Variants in EPS15 observed in about 807,000 individuals in gnomAD.
EPS15 encodes epidermal growth factor receptor pathway substrate 15, also known as epidermal growth factor receptor substrate 15.
Under a neutral mutation model 113.8 loss-of-function variants are expected in EPS15, and 72 were observed. The observed-to-expected ratio is 0.63, with a 90% confidence interval of 0.52 to 0.77. EPS15 has a LOEUF of 0.77. EPS15 is among the 30% of genes least tolerant of loss of function. The probability of loss-of-function intolerance (pLI) is 0.00; values close to 1 mark genes in which losing one functional copy is unlikely to be tolerated. For synonymous variants in EPS15, 344 were observed against 363.4 expected (o/e 0.95, Z 0.61); for missense variants, 1,048 against 1,045.8 (o/e 1.00, Z -0.03).
intron 21 of EPS15, chr1:51,372,465 T>C: frequency 1.9e-6 from 1 of 533,972 alleles, no homozygotes; most frequent in South Asian, 1.4e-5. Flanking sequence ...TCATTCTGTC[T>C]GGTTTTTAGA....
At chr1:51,411,676 A>G (rs890563915) in intron 13 of EPS15, among the ~76,000 whole-genome samples, 1 of 152,194 alleles carries the variant, frequency 6.6e-6, no homozygotes. Flanking sequence ...CTTAAGAATC[A>G]GATGTTCTCT....
At chr1:51,469,928 G>T (rs1361431076) in intron 4 of EPS15, among the ~76,000 whole-genome samples, 5 of 150,966 alleles carry the variant, frequency 3.3e-5, no homozygotes, top group Admixed American at 6.6e-5. Flanking sequence ...GTATCTTCCT[G>T]GAAGCTCTCC....
Position 51,405,505 on chromosome 1 carries a change from T to G in EPS15, c.1677+400A>C, listed in dbSNP as rs189794273. 4.9e-3 allele frequency among the ~76,000 whole-genome samples: 743 copies of G among 152,242 alleles called. 3 individuals are homozygous for G. The highest frequency in any genetic ancestry group is 0.017 in the African/African-American group (699 of 41,546). On this transcript the variant is annotated intron_variant, in intron 16 of 24. Coordinates refer to ENST00000371733, the MANE Select transcript of EPS15 (RefSeq NM_001981.3). ...TGAGGTCAGGAGTTCGAAACCAGCC[T>G]GGCCAACATGATGAAACCCCATCTC... is the stretch of plus-strand genomic sequence containing the variant.
At chr1:51,361,503 C>T in intron 23 of EPS15, 148 bp from the exon 24 acceptor site, 1 of 583,412 alleles carries the variant, frequency 1.7e-6, no homozygotes, top group Non-Finnish European at 3.0e-6. Flanking sequence ...TAAATAGCTA[C>T]ACCAACAATT....
In EPS15 at chr1:51,355,310, T is replaced by C. The variant is rs1646195830; in HGVS notation, c.*1390A>G. 4 of 217,154 alleles carry C rather than the reference T, an allele frequency of 1.8e-5. No individual in the cohort carries two copies. Among genetic ancestry groups the C allele is most frequent in the African/African-American group, 9.0e-5 (4 of 44,434 alleles). The allele number at this position is 217,154 out of a possible 1,614,324, so 13.5% of individuals were successfully genotyped here. On this transcript the variant is annotated 3_prime_UTR_variant, in exon 25 of 25. Transcript: ENST00000371733. The stretch of plus-strand genomic sequence containing the variant: ...CAGATTAACACAGATCAATACCACC[T>C]TGACTTGTTGACCCAGAGAATTCTA...
At chr1:51,378,954 G>C (rs923404348) in intron 21 of EPS15, among the ~76,000 whole-genome samples, 1 of 152,134 alleles carries the variant, frequency 6.6e-6, no homozygotes, top group Non-Finnish European at 1.5e-5. Flanking sequence ...CCAACTTTGA[G>C]GGAAGACATG....
chr1:51,464,634 C>T (rs1654718440), intron 6 of EPS15, among the ~76,000 whole-genome samples: 1 of 152,156 alleles, frequency 6.6e-6, no homozygotes, highest in South Asian at 2.1e-4. Flanking sequence ...AAGATATCTC[C>T]TAAATTTTTA....
intron 1 of EPS15, among the ~76,000 whole-genome samples, chr1:51,490,836 A>C (rs1644219954): frequency 6.6e-6 from 1 of 152,210 alleles, no homozygotes; most frequent in Admixed American, 6.5e-5. Flanking sequence ...ATATGCAAAC[A>C]CACTAATGAG....
intron 11 of EPS15, among the ~76,000 whole-genome samples, chr1:51,442,366 CT>C (rs1220784127): frequency 6.6e-6 from 1 of 152,116 alleles, no homozygotes; most frequent in African/African-American, 2.4e-5. Context: ...CACATCTCCT[CT>C]GTCACTCTAA....
intron 21 of EPS15, among the ~76,000 whole-genome samples, chr1:51,389,776 TCAAGGAGAACTA>T: frequency 6.6e-6 from 1 of 152,318 alleles, no homozygotes; most frequent in South Asian, 2.1e-4. Context: ...AGGGACCTCT[TCAAGGAGAACTA>T]CAAACCACTG....
intron 7 of EPS15, among the ~76,000 whole-genome samples, chr1:51,461,521 TAAA>T (rs34184025): frequency 3.5e-5 from 3 of 85,074 alleles, no homozygotes; most frequent in Non-Finnish European, 5.0e-5. Context: ...CACTGTTTCT[TAAA>T]AAAAAAAAAA....
chr1:51,376,685 A>C (rs1290368408), intron 21 of EPS15, among the ~76,000 whole-genome samples: 2 of 152,024 alleles, frequency 1.3e-5, no homozygotes, highest in South Asian at 2.1e-4. Flanking sequence ...AAACAAAAAA[A>C]CCCAAAAATC....
chr1:51,426,957 C>T (rs554465882), intron 12 of EPS15, among the ~76,000 whole-genome samples: 4 of 151,904 alleles, frequency 2.6e-5, no homozygotes, highest in Admixed American at 1.3e-4. Context: ...CCCTCCTTCC[C>T]GCCCACTTAT....
At chr1:51,451,897 T>C (rs1156696788) in intron 8 of EPS15, among the ~76,000 whole-genome samples, 1 of 152,038 alleles carries the variant, frequency 6.6e-6, no homozygotes, top group Non-Finnish European at 1.5e-5. Flanking sequence ...CTTAAATTTT[T>C]ATTTCTTTTT....
At chr1:51,407,115 A>T (rs985552755) in intron 15 of EPS15, among the ~76,000 whole-genome samples, 2 of 152,204 alleles carry the variant, frequency 1.3e-5, no homozygotes, top group African/African-American at 4.8e-5. Flanking sequence ...TGAGAAAGTT[A>T]CTTGAACTTC....
Position 51,438,002 on chromosome 1 carries a change from AG to A in EPS15, c.1040+2344del, listed in dbSNP as rs1344707767. ...CGGTTATTCACAAGAATAAAAACCAAGGTTTTTATAATGTAATACCTTGAAG... is the reference window on the plus strand; with the variant it reads ...CGGTTATTCACAAGAATAAAAACCAAGTTTTTATAATGTAATACCTTGAAG... On this transcript the variant is annotated intron_variant, in intron 12 of 24. Coordinates refer to ENST00000371733, the MANE Select transcript of EPS15 (RefSeq NM_001981.3). 2.0e-5 allele frequency among the ~76,000 whole-genome samples: 3 copies of A among 152,332 alleles called. No individual in the cohort carries two copies. The East Asian group carries it at 5.8e-4, about 29-fold the overall frequency.
At chr1:51,488,683 T>C (rs1644172119) in intron 1 of EPS15, among the ~76,000 whole-genome samples, 1 of 152,092 alleles carries the variant, frequency 6.6e-6, no homozygotes, top group African/African-American at 2.4e-5. Context: ...CCTCTGAGCT[T>C]AAACAATCTT....
At chr1:51,422,843 G>A (rs773016695) in intron 12 of EPS15, among the ~76,000 whole-genome samples, 3 of 152,224 alleles carry the variant, frequency 2.0e-5, no homozygotes, top group Admixed American at 6.5e-5. Context: ...GCGGCAACAT[G>A]GAGAAGGGAA....
intron 21 of EPS15, among the ~76,000 whole-genome samples, chr1:51,367,621 T>C (rs1221992637): frequency 1.3e-5 from 2 of 152,124 alleles, no homozygotes; most frequent in African/African-American, 4.8e-5. Flanking sequence ...TTCCATCACA[T>C]TGCACTTACC....
Sources: gnomAD v4.1 joint callset for allele counts (sites outside exome capture counted in the v4.1 genomes callset) on GRCh38, gnomAD v4.1.1 for gene constraint, MANE v1.5 for transcripts, NCBI Gene and HGNC (gene_info 2026-07-23, HGNC 2026-07-21) for gene names.